Variants in CDC42SE2 observed in about 807,000 individuals in gnomAD.
The protein encoded by CDC42SE2 is CDC42 small effector protein 2.
In CDC42SE2, 3 loss-of-function variants were observed where a neutral mutation model predicts 11.5. The observed-to-expected ratio is 0.26, with a 90% CI of 0.12 to 0.67. The LOEUF (loss-of-function observed/expected upper bound fraction) is 0.67. Among genes scored for constraint, CDC42SE2 ranks in the 30% least tolerant of loss-of-function variants. The probability of loss-of-function intolerance (pLI) is 0.80; values close to 1 mark genes in which losing one functional copy is unlikely to be tolerated. For missense variants in CDC42SE2, 82 were observed against 106.8 expected, an observed-to-expected ratio of 0.77 and a Z score of 1.02; for synonymous variants, 33 against 34.8, an observed-to-expected ratio of 0.95 and a Z score of 0.18.
intron 2 of CDC42SE2, among the ~76,000 whole-genome samples, chr5:131,333,573 A>G (rs986967845): frequency 1.3e-5 from 2 of 152,148 alleles, no homozygotes; most frequent in Non-Finnish European, 2.9e-5. Context: ...GGCCATTTTC[A>G]TGATACTGAT....
intron 1 of CDC42SE2, among the ~76,000 whole-genome samples, chr5:131,314,256 G>T (rs1395491296): frequency 6.8e-6 from 1 of 146,610 alleles, no homozygotes; most frequent in Non-Finnish European, 1.5e-5. Context: ...TTTGGAGACA[G>T]GATCTGGCTC....
At chr5:131,313,726 C>G (rs542321029) in intron 1 of CDC42SE2, among the ~76,000 whole-genome samples, 2 of 152,146 alleles carry the variant, frequency 1.3e-5, no homozygotes, top group African/African-American at 4.8e-5. Flanking sequence ...TATAATAAAC[C>G]TTGAATTCTG....
intron 2 of CDC42SE2, among the ~76,000 whole-genome samples, chr5:131,349,238 G>C (rs751949697): frequency 6.7e-6 from 1 of 150,074 alleles, no homozygotes; most frequent in African/African-American, 2.4e-5. Context: ...ACAAACTATC[G>C]CAAGGACAGA....
chr5:131,225,569 G>A, the CDC42SE2 span, among the ~76,000 whole-genome samples: 793 of 152,304 alleles, frequency 5.2e-3, 7 homozygotes, highest in African/African-American at 0.018. Flanking sequence ...ATTGGCATGA[G>A]GAGTCTATAG....
chr5:131,340,392 A>G (rs1259316274), intron 2 of CDC42SE2, among the ~76,000 whole-genome samples: 1 of 152,208 alleles, frequency 6.6e-6, no homozygotes, highest in Non-Finnish European at 1.5e-5. Context: ...GTGTAGGCAG[A>G]AACATAATTT....
chr5:131,267,215 C>T (rs1236490033), intron 1 of CDC42SE2, among the ~76,000 whole-genome samples: 2 of 151,718 alleles, frequency 1.3e-5, no homozygotes, highest in East Asian at 1.9e-4. Flanking sequence ...CCACCACACC[C>T]GGCTAATTTT....
intron 1 of CDC42SE2, among the ~76,000 whole-genome samples, chr5:131,267,360 A>G (rs1561565627): frequency 6.8e-6 from 1 of 147,632 alleles, no homozygotes; most frequent in African/African-American, 2.5e-5. Context: ...CCAGGCCATA[A>G]TTTTTTTTTT....
chr5:131,322,663 A>G (rs1403590761), intron 2 of CDC42SE2, among the ~76,000 whole-genome samples: 1 of 152,012 alleles, frequency 6.6e-6, no homozygotes, highest in East Asian at 1.9e-4. Flanking sequence ...GCTCGATAAT[A>G]TTCCATTGTA....
chr5:131,262,540 A>G (rs918880172), upstream of CDC42SE2, among the ~76,000 whole-genome samples: 1 of 152,164 alleles, frequency 6.6e-6, no homozygotes, highest in African/African-American at 2.4e-5. Flanking sequence ...CCCAGCTTCT[A>G]CTAGGGAAGG....
At chr5:131,310,014 G>T (rs183991226) in intron 1 of CDC42SE2, among the ~76,000 whole-genome samples, 2,341 of 151,992 alleles carry the variant, frequency 0.015, 49 homozygotes, top group African/African-American at 0.051. Context: ...GCTCTTGCTT[G>T]TCTAGTTCTT....
At chr5:131,318,227 C>T (rs1341602673) in intron 2 of CDC42SE2, among the ~76,000 whole-genome samples, 5 of 152,128 alleles carry the variant, frequency 3.3e-5, no homozygotes, top group South Asian at 2.1e-4. Flanking sequence ...GTGTGAGCCA[C>T]CATGCCCAAC....
chr5:131,211,092 C>T, the CDC42SE2 span, among the ~76,000 whole-genome samples: 189 of 152,324 alleles, frequency 1.2e-3, no homozygotes, highest in Non-Finnish European at 2.3e-3. Flanking sequence ...CCTCCTCGGC[C>T]TCCCAAAGTG....
intron 1 of CDC42SE2, among the ~76,000 whole-genome samples, chr5:131,310,215 A>T (rs1002505402): frequency 3.9e-5 from 6 of 151,954 alleles, no homozygotes; most frequent in African/African-American, 1.5e-4. Flanking sequence ...CCCAGTAGTC[A>T]TTCAGGAGCA....
At chr5:131,273,731 C>T (rs572307320) in intron 1 of CDC42SE2, among the ~76,000 whole-genome samples, 207 of 151,178 alleles carry the variant, frequency 1.4e-3, no homozygotes, top group African/African-American at 4.7e-3. Flanking sequence ...CAAGATCGCA[C>T]CACTGCACTC....
chr5:131,231,427 T>C, the CDC42SE2 span, among the ~76,000 whole-genome samples: 2 of 152,346 alleles, frequency 1.3e-5, no homozygotes, highest in Admixed American at 1.3e-4. Context: ...TTTTGTTGCA[T>C]AACAAATCAT....
intron 3 of CDC42SE2, among the ~76,000 whole-genome samples, chr5:131,361,210 C>T (rs1749699042): frequency 6.6e-6 from 1 of 151,404 alleles, no homozygotes; most frequent in African/African-American, 2.4e-5. Context: ...AAAGTGAATT[C>T]TCTTCAATAT....
At chr5:131,211,126 C>G in the CDC42SE2 span, among the ~76,000 whole-genome samples, 5 of 152,120 alleles carry the variant, frequency 3.3e-5, no homozygotes, top group Admixed American at 6.5e-5. Flanking sequence ...TGTGAGCCAC[C>G]GCGCCCTGCC....
chr5:131,312,092 T>C (rs1037737812), intron 1 of CDC42SE2, among the ~76,000 whole-genome samples: 12 of 152,172 alleles, frequency 7.9e-5, no homozygotes, highest in Non-Finnish European at 1.6e-4. Flanking sequence ...CTTTTGGTCT[T>C]TGATGATGGT....
the CDC42SE2 span, among the ~76,000 whole-genome samples, chr5:131,223,810 A>C: frequency 6.6e-6 from 1 of 152,144 alleles, no homozygotes; most frequent in Non-Finnish European, 1.5e-5. Flanking sequence ...TTCTGTCCTC[A>C]ACTTTTCCTT....
Sources: allele counts gnomAD v4.1 joint callset (sites outside exome capture counted in the v4.1 genomes callset), GRCh38; gene constraint gnomAD v4.1.1; transcripts MANE v1.5; gene names NCBI Gene and HGNC (gene_info 2026-07-23, HGNC 2026-07-21).